PXDN: variants seen among roughly 807,000 people sequenced by gnomAD.
PXDN encodes peroxidasin homolog.
PXDN carries 77 observed loss-of-function variants against 140.3 expected under a neutral mutation model. The ratio of observed to expected loss-of-function variants is 0.55; its 90% CI spans 0.46 to 0.66. The LOEUF (loss-of-function observed/expected upper bound fraction) is 0.66, where lower values mean the gene tolerates loss of function less well. PXDN is among the 30% of genes least tolerant of loss of function. PXDN has a pLI of 0.00. For synonymous variants in PXDN, 911 were observed against 857.4 expected, an observed-to-expected ratio of 1.06 and a Z score of -1.09; for missense variants, 1,838 against 2,039.5, an observed-to-expected ratio of 0.90 and a Z score of 1.90.
At position 1,684,220 on chromosome 2, in the gene PXDN, A is replaced by AT. The variant is rs1478065644; in HGVS notation, c.417-70dup. On this transcript the variant is annotated intron_variant, in intron 4 of 22. Coordinates refer to ENST00000252804, the MANE Select transcript of PXDN (RefSeq NM_012293.3). ...TTCTTAGATCCAGATTTTTGCCCAA[A>AT]TTTTTTTCCTAGTCATTTCAAATTC... The AT allele has an allele frequency of 1.6e-5, 22 of 1,359,176 alleles. No homozygotes were observed. The East Asian group carries it at 2.5e-4, about 15-fold the overall frequency. 84.2% of individuals were successfully genotyped at this position (1,359,176 alleles called of 1,614,324 possible).
chr2:1,634,292 C>A lies in PXDN; in HGVS notation c.4352G>T (p.Cys1451Phe). Reference sequence around the variant, plus strand: ...GGGGACAGCACAGGTGGCAGGGGGGCAAGCTTCCACGAAGCAGGTGACCTG... The same window carrying A: ...GGGGACAGCACAGGTGGCAGGGGGGAAAGCTTCCACGAAGCAGGTGACCTG... ...DGQVTCFVEACPPATCAVPVN... is the reference protein window; with the variant it reads ...DGQVTCFVEAFPPATCAVPVN... Residue 1451 changes from cysteine to phenylalanine, a missense_variant, in exon 23 of 23, where the codon TGC (cysteine) becomes TTC (phenylalanine). This residue lies in a region of PXDN where 850 missense variants were observed against 894.1 expected (regional missense o/e 0.95). Coordinates refer to ENST00000252804, the MANE Select transcript of PXDN (RefSeq NM_012293.3). 6.2e-7 allele frequency: 1 copy of A among 1,602,586 alleles called. No homozygotes were observed. The highest frequency in any genetic ancestry group is 8.5e-7 in the Non-Finnish European group (1 of 1,174,718).
At position 1,677,848 on chromosome 2, in the gene PXDN, G is replaced by A. The variant is rs141803998; in HGVS notation, c.731-804C>T. On this transcript the variant is annotated intron_variant, in intron 7 of 22. Transcript: ENST00000252804. ...TCCATGTACATTCTGTGAGCATCAC[G>A]AGAAGAAAAACACAACCACACACAG... Among the ~76,000 whole-genome samples, 139 of 152,356 alleles carry A rather than the reference G, an allele frequency of 9.1e-4. 3 individuals are homozygous for A. The East Asian group carries it at 0.021, about 23-fold the overall frequency.
chr2:1,634,337 A>T lies in PXDN; in HGVS notation c.4321-14T>A. Reference sequence around the variant, plus strand: ...GACCTGCCCGTCCTGGAGAAGAGAGACGGAGCACAGCCTGTCAGCTCTGGG... The same window carrying T: ...GACCTGCCCGTCCTGGAGAAGAGAGTCGGAGCACAGCCTGTCAGCTCTGGG... On this transcript the variant is annotated splice_polypyrimidine_tract_variant and intron_variant, in intron 22 of 22. Transcript: ENST00000252804. 2 of 1,563,774 alleles carry T rather than the reference A, an allele frequency of 1.3e-6. No homozygotes were observed. The highest frequency in any genetic ancestry group is 1.7e-6 in the Non-Finnish European group (2 of 1,153,546).
intron 4 of PXDN, among the ~76,000 whole-genome samples, chr2:1,684,826 G>A (rs570382275): frequency 3.3e-5 from 5 of 152,200 alleles, no homozygotes; most frequent in East Asian, 1.9e-4. Context: ...TCCTGAATAC[G>A]AAATTTCTCA....
intron 1 of PXDN, among the ~76,000 whole-genome samples, chr2:1,703,453 G>A (rs1251051057): frequency 2.2e-5 from 1 of 44,610 alleles, no homozygotes; most frequent in Non-Finnish European, 4.4e-5. Context: ...GACAACTCCC[G>A]GTGAAGGAGA....
At chr2:1,645,269 C>CTTAG (rs1682824262) in intron 17 of PXDN, among the ~76,000 whole-genome samples, 2 of 152,038 alleles carry the variant, frequency 1.3e-5, no homozygotes, top group Admixed American at 1.3e-4. Context: ...GGGCAAAAAA[C>CTTAG]TTAGGTTTAT....
At chr2:1,672,274 T>G (rs1302741573) in intron 9 of PXDN, 1 of 152,240 alleles carries the variant, frequency 6.6e-6, no homozygotes, top group Non-Finnish European at 1.5e-5. Context: ...GGAGTGAAAT[T>G]TGGAACTCTC....
In PXDN at chr2:1,633,968, A is replaced by C. The variant is rs1166048827; in HGVS notation, c.*236T>G. ...AATTAAATAAAAACCTGAGAAGTCTAACGTGAAGCTAGGACTCCTGCCTGC... is the reference window on the plus strand; with the variant it reads ...AATTAAATAAAAACCTGAGAAGTCTCACGTGAAGCTAGGACTCCTGCCTGC... On this transcript the variant is annotated 3_prime_UTR_variant, in exon 23 of 23. Coordinates refer to ENST00000252804, the MANE Select transcript of PXDN (RefSeq NM_012293.3). 2 of 445,900 alleles carry C rather than the reference A, an allele frequency of 4.5e-6. No individual in the cohort carries two copies. The highest frequency in any genetic ancestry group is 4.0e-5 in the African/African-American group (2 of 50,558). The allele number at this position is 445,900 out of a possible 1,614,324, so 27.6% of individuals were successfully genotyped here.
rs1682486803 is a variant in PXDN at position 1,634,208 on chromosome 2, G to A, written c.4436C>T (p.Pro1479Leu). ...TCTGAGGAGCCTCCCAGGAGCCTAG[G>A]GCTTTTCCTCCGCCCTCTTCTGTAA... The part of the protein sequence containing the change: ...VCLQKRAEEK[P>L] The change falls in exon 23 of 23, where the codon CCC becomes CTC. Residue 1479 changes from proline (P) to leucine (L), a missense_variant. Coordinates refer to ENST00000252804, the MANE Select transcript of PXDN (RefSeq NM_012293.3). 7 of 1,579,758 alleles carry A rather than the reference G, an allele frequency of 4.4e-6. No individual in the cohort carries two copies. Among genetic ancestry groups the A allele is most frequent in the South Asian group, 1.2e-5 (1 of 86,006 alleles).
At chr2:1,665,703 C>T (rs1683418598) in intron 10 of PXDN, among the ~76,000 whole-genome samples, 1 of 152,228 alleles carries the variant, frequency 6.6e-6, no homozygotes, top group Admixed American at 6.5e-5. Flanking sequence ...TTTTGCACTT[C>T]CGTATTGTTT....
At chr2:1,733,190 C>G (rs1400175385) in intron 1 of PXDN, among the ~76,000 whole-genome samples, 1 of 151,344 alleles carries the variant, frequency 6.6e-6, no homozygotes, top group Non-Finnish European at 1.5e-5. Context: ...CCCAGATTTT[C>G]CAAATTTGAA....
intron 1 of PXDN, among the ~76,000 whole-genome samples, chr2:1,700,219 G>A (rs1036334347): frequency 1.3e-5 from 2 of 152,032 alleles, no homozygotes; most frequent in Non-Finnish European, 1.5e-5. Flanking sequence ...ATGCCACTGC[G>A]CCCAGCTAAT....
intron 1 of PXDN, among the ~76,000 whole-genome samples, chr2:1,715,574 G>A (rs1298091237): frequency 2.6e-5 from 4 of 152,094 alleles, no homozygotes; most frequent in Non-Finnish European, 5.9e-5. Flanking sequence ...GGCGGGTGTC[G>A]TCCCCAGCAT....
chr2:1,725,962 AC>A (rs1239264762), intron 1 of PXDN, among the ~76,000 whole-genome samples: 1 of 149,590 alleles, frequency 6.7e-6, no homozygotes, highest in African/African-American at 2.5e-5. Flanking sequence ...AAATAGGAAC[AC>A]TTTTACACCG....
At position 1,635,491 on chromosome 2, in the gene PXDN, T is replaced by A. The variant is rs370745827; in HGVS notation, c.4237A>T (p.Thr1413Ser). The A allele has an allele frequency of 6.3e-7, 1 of 1,597,768 alleles. No homozygotes were observed. Residue 1413 changes from threonine to serine, a missense_variant, in exon 22 of 23, where the codon ACA becomes TCA. By Grantham distance (58) the Thr-to-Ser change is moderately conservative. This residue lies in a region of PXDN where 850 missense variants were observed against 894.1 expected (regional missense o/e 0.95). Coordinates refer to ENST00000252804, the MANE Select transcript of PXDN (RefSeq NM_012293.3). ...IKKLESRLSTTECVDAGGESH... is the reference protein window; with the variant it reads ...IKKLESRLSTSECVDAGGESH... ...TCGCCCCCGGCATCCACGCACTCTG[T>A]GGTACTGAGCCGTGATTCAAGTTTC...
chr2:1,718,602 C>A (rs72493307), intron 1 of PXDN, among the ~76,000 whole-genome samples: 22,387 of 152,282 alleles, frequency 0.15, 2,120 homozygotes, highest in East Asian at 0.31. Context: ...ACTTACCACC[C>A]TAACCTACTC....
At chr2:1,657,967 C>A (rs917395226) in intron 14 of PXDN, among the ~76,000 whole-genome samples, 1 of 147,188 alleles carries the variant, frequency 6.8e-6, no homozygotes, top group Admixed American at 6.8e-5. Context: ...GGACTTGCCC[C>A]CTCACTGTGA....
chr2:1,642,665 G>C (rs1480291584), intron 19 of PXDN, among the ~76,000 whole-genome samples: 2 of 152,228 alleles, frequency 1.3e-5, no homozygotes, highest in African/African-American at 2.4e-5. Flanking sequence ...CCAAAATTAT[G>C]TTCAAATTAG....
intron 3 of PXDN, among the ~76,000 whole-genome samples, chr2:1,691,391 A>AT (rs1170525405): frequency 6.6e-6 from 1 of 152,246 alleles, no homozygotes; most frequent in Non-Finnish European, 1.5e-5. Flanking sequence ...AAATAAATCG[A>AT]TTAAAATCAG....
Sources: allele counts gnomAD v4.1 joint callset (sites outside exome capture counted in the v4.1 genomes callset), GRCh38; gene constraint gnomAD v4.1.1; regional missense constraint gnomAD v4.1.1; transcripts MANE v1.5; gene names NCBI Gene and HGNC (gene_info 2026-07-23, HGNC 2026-07-21).